The following RALGPS2 variants were observed in gnomAD, a reference collection of about 807,000 sequenced individuals.
RALGPS2 encodes the protein Ral GEF with PH domain and SH3 binding motif 2, also known as ras-specific guanine nucleotide-releasing factor RalGPS2.
Under a neutral mutation model 86.8 loss-of-function variants are expected in RALGPS2, and 43 were observed. The ratio of observed to expected loss-of-function variants is 0.50; its 90% confidence interval spans 0.39 to 0.64. The LOEUF is 0.64. Ranked by LOEUF, RALGPS2 falls within the 30% of genes least tolerant of loss-of-function variation. The pLI is 0.00. For synonymous variants in RALGPS2, 243 were observed against 231.3 expected, an observed-to-expected ratio of 1.05 and a Z score of -0.46; for missense variants, 536 against 694.6, an observed-to-expected ratio of 0.77 and a Z score of 2.57.
chr1:178,831,626 CG>C (rs1163046399), intron 7 of RALGPS2, among the ~76,000 whole-genome samples: 2,371 of 127,328 alleles, frequency 0.019, 55 homozygotes, highest in African/African-American at 0.069. Flanking sequence ...TTGTCCGCCC[CG>C]CCCCCCCCAC....
chr1:178,915,488 G>C (rs1660777502), intron 19 of RALGPS2, among the ~76,000 whole-genome samples: 1 of 152,178 alleles, frequency 6.6e-6, no homozygotes, highest in South Asian at 2.1e-4. Flanking sequence ...GCCTGCCTCA[G>C]CCTCCCAAAG....
At chr1:178,789,436 C>T (rs1483979733) in intron 4 of RALGPS2, among the ~76,000 whole-genome samples, 1 of 152,232 alleles carries the variant, frequency 6.6e-6, no homozygotes, top group Non-Finnish European at 1.5e-5. Context: ...AGTTGATATT[C>T]TCTGGGATGA....
chr1:178,797,114 G>A (rs946220190), intron 4 of RALGPS2, among the ~76,000 whole-genome samples: 1 of 152,088 alleles, frequency 6.6e-6, no homozygotes, highest in Non-Finnish European at 1.5e-5. Flanking sequence ...AGCATCCTTT[G>A]AGTTGTTGAG....
At chr1:178,852,921 C>T (rs1483130426) in intron 8 of RALGPS2, 1 of 1,612,620 alleles carries the variant, frequency 6.2e-7, no homozygotes. Flanking sequence ...CCAGTCCAAG[C>T]CAGTATTCTC....
At chr1:178,809,040 A>G (rs185917500) in intron 5 of RALGPS2, among the ~76,000 whole-genome samples, 64 of 152,006 alleles carry the variant, frequency 4.2e-4, no homozygotes, top group Non-Finnish European at 8.4e-4. Context: ...TGTGGAGATG[A>G]GGTCTCACTA....
In RALGPS2 at chr1:178,827,158, A is replaced by G. The variant is rs571167308; in HGVS notation, c.480+5454A>G. Among the ~76,000 whole-genome samples, 37 of 152,338 alleles carry G rather than the reference A, an allele frequency of 2.4e-4. No individual in the cohort carries two copies. In the South Asian group the frequency reaches 5.8e-3, roughly 24 times the overall value. ...ACATTAATGAAAGAAATTGAATAAG[A>G]TACAAATGAATGGAAGGATATCCTG... On this transcript the variant is annotated intron_variant, in intron 7 of 19. Transcript: ENST00000367635.
chr1:178,891,515 A>G (rs999404154), intron 14 of RALGPS2, among the ~76,000 whole-genome samples: 1 of 152,160 alleles, frequency 6.6e-6, no homozygotes, highest in Non-Finnish European at 1.5e-5. Flanking sequence ...TGCTAAAATA[A>G]TGCTTTTCCT....
At chr1:178,855,340 T>C (rs1458803099) in intron 8 of RALGPS2, among the ~76,000 whole-genome samples, 1 of 151,476 alleles carries the variant, frequency 6.6e-6, no homozygotes, top group Admixed American at 6.6e-5. Context: ...GTTTAAACCC[T>C]TAGGAAACTG....
At chr1:178,767,358 C>CTTTTTTTTTTTTTTTTTTTTTTT (rs1159630163) in intron 1 of RALGPS2, among the ~76,000 whole-genome samples, 1 of 70,432 alleles carries the variant, frequency 1.4e-5, no homozygotes, top group Admixed American at 1.6e-4. Context: ...TGTCCTTTGG[C>CTTTTTTTTTTTTTTTTTTTTTTT]TTTTTTTTTT....
At chr1:178,853,770 G>A in intron 8 of RALGPS2, 2 of 1,604,002 alleles carry the variant, frequency 1.2e-6, no homozygotes, top group East Asian at 4.5e-5. Flanking sequence ...TTTGCTTGCT[G>A]ACAGTCTTTG....
At chr1:178,729,407 A>G (rs1351714631) in intron 1 of RALGPS2, among the ~76,000 whole-genome samples, 2 of 152,188 alleles carry the variant, frequency 1.3e-5, no homozygotes, top group Non-Finnish European at 2.9e-5. Context: ...GCACCTAGAA[A>G]AGTATCTGAC....
intron 1 of RALGPS2, chr1:178,726,061 G>A (rs1437715523): frequency 6.6e-6 from 1 of 152,524 alleles, no homozygotes; most frequent in East Asian, 1.9e-4. Context: ...GTGGGGCAGG[G>A]GCCGCAGCCC....
At chr1:178,889,744 G>C (rs1309032636) in intron 14 of RALGPS2, 48 bp downstream of exon 14, 7 of 1,347,692 alleles carry the variant, frequency 5.2e-6, no homozygotes, top group Non-Finnish European at 6.3e-6. Flanking sequence ...TTTTGTCTGG[G>C]TTAAATAATA....
chr1:178,766,101 A>G (rs917997225), intron 1 of RALGPS2, among the ~76,000 whole-genome samples: 2 of 152,230 alleles, frequency 1.3e-5, no homozygotes, highest in African/African-American at 4.8e-5. Flanking sequence ...TGGGGAAGTG[A>G]TAAGTGTCCA....
chr1:178,810,093 A>T (rs1197032189), intron 5 of RALGPS2, among the ~76,000 whole-genome samples: 1 of 151,354 alleles, frequency 6.6e-6, no homozygotes, highest in Non-Finnish European at 1.5e-5. Context: ...AAAAAAAAAA[A>T]GTCACGTTGG....
At chr1:178,830,204 G>A (rs1431947718) in intron 7 of RALGPS2, among the ~76,000 whole-genome samples, 3 of 152,066 alleles carry the variant, frequency 2.0e-5, no homozygotes, top group Admixed American at 2.0e-4. Context: ...ATTTAAATTT[G>A]TCAGTTATAC....
intron 7 of RALGPS2, among the ~76,000 whole-genome samples, chr1:178,826,550 G>A (rs1300202188): frequency 6.6e-6 from 1 of 152,164 alleles, no homozygotes; most frequent in African/African-American, 2.4e-5. Context: ...TGCCAGGGAT[G>A]GGGAGAAATG....
chr1:178,731,755 G>A (rs188929957), intron 1 of RALGPS2, among the ~76,000 whole-genome samples: 19 of 152,116 alleles, frequency 1.2e-4, no homozygotes, highest in Admixed American at 9.2e-4. Context: ...AATTTAGTGG[G>A]CGCTTTCAAC....
intron 13 of RALGPS2, among the ~76,000 whole-genome samples, chr1:178,887,874 A>G (rs1427963610): frequency 4.6e-5 from 7 of 152,194 alleles, no homozygotes; most frequent in Non-Finnish European, 1.0e-4. Context: ...TGCAAAAGAA[A>G]GAACTTTTTT....
Sources: gnomAD v4.1 joint callset for allele counts (sites outside exome capture counted in the v4.1 genomes callset) on GRCh38, gnomAD v4.1.1 for gene constraint, MANE v1.5 for transcripts, NCBI Gene and HGNC (gene_info 2026-07-23, HGNC 2026-07-21) for gene names.